Variants in LRP1B observed in about 807,000 individuals in gnomAD.
LRP1B encodes the protein LDL receptor related protein 1B.
LRP1B carries 217 observed loss-of-function variants against 556.6 expected under a neutral mutation model. The ratio of observed to expected loss-of-function variants is 0.39; its 90% CI spans 0.35 to 0.44. The LOEUF (loss-of-function observed/expected upper bound fraction) is 0.44, where lower values mean the gene tolerates loss of function less well. Among genes scored for constraint, LRP1B ranks in the 20% least tolerant of loss-of-function variants. The pLI, the probability that LRP1B is intolerant of heterozygous loss-of-function variation, is 1.00. For missense variants in LRP1B, 5,053 were observed against 5,620.8 expected (o/e 0.90, Z 3.23); for synonymous variants, 2,047 against 1,865.8 (o/e 1.10, Z -2.50).
At chr2:140,579,331 T>C (rs1244577329) in intron 43 of LRP1B, among the ~76,000 whole-genome samples, 1 of 151,824 alleles carries the variant, frequency 6.6e-6, no homozygotes, top group African/African-American at 2.4e-5. Flanking sequence ...TTTTAGCTAA[T>C]TTCTCTGATC....
chr2:141,793,195 G>A (rs1173504769), intron 2 of LRP1B, among the ~76,000 whole-genome samples: 3 of 151,770 alleles, frequency 2.0e-5, no homozygotes, highest in Non-Finnish European at 2.9e-5. Flanking sequence ...TAATGAAATC[G>A]CTAAATACTT....
chr2:141,421,204 T>C (rs1680125039), intron 3 of LRP1B, among the ~76,000 whole-genome samples: 1 of 152,192 alleles, frequency 6.6e-6, no homozygotes, highest in Non-Finnish European at 1.5e-5. Flanking sequence ...AGTTTTAATT[T>C]TTTAACACTC....
chr2:142,010,645 TC>T (rs1050168795), intron 1 of LRP1B, among the ~76,000 whole-genome samples: 21 of 151,488 alleles, frequency 1.4e-4, no homozygotes, highest in Non-Finnish European at 2.5e-4. Context: ...CCCTCTCGTG[TC>T]TCCCAGCCAC....
At chr2:141,802,391 T>C (rs1696035735) in intron 2 of LRP1B, among the ~76,000 whole-genome samples, 1 of 152,126 alleles carries the variant, frequency 6.6e-6, no homozygotes, top group South Asian at 2.1e-4. Context: ...TTCTCTCCTT[T>C]GAGAGCAATT....
intron 3 of LRP1B, among the ~76,000 whole-genome samples, chr2:141,451,959 A>T (rs1182678437): frequency 6.6e-6 from 1 of 152,206 alleles, no homozygotes; most frequent in Non-Finnish European, 1.5e-5. Flanking sequence ...AGCTAAATTG[A>T]ATTATTTACA....
intron 2 of LRP1B, among the ~76,000 whole-genome samples, chr2:141,604,180 A>T (rs1023665235): frequency 3.9e-4 from 60 of 152,180 alleles, no homozygotes; most frequent in African/African-American, 1.4e-3. Context: ...CCATTTACTA[A>T]AGCAGCAAAT....
intron 35 of LRP1B, among the ~76,000 whole-genome samples, chr2:140,764,530 A>T (rs139725272): frequency 0.021 from 3,218 of 152,264 alleles, 55 homozygotes; most frequent in Non-Finnish European, 0.032. Context: ...ATGTCGTGGG[A>T]CTAATAAAGA....
At chr2:140,818,986 A>C (rs1197914343) in intron 31 of LRP1B, among the ~76,000 whole-genome samples, 1 of 149,654 alleles carries the variant, frequency 6.7e-6, no homozygotes, top group Non-Finnish European at 1.5e-5. Context: ...AAACCCAAGC[A>C]CTTTGTCTTT....
At chr2:141,497,344 A>G (rs892164198) in intron 2 of LRP1B, among the ~76,000 whole-genome samples, 1 of 152,020 alleles carries the variant, frequency 6.6e-6, no homozygotes, top group African/African-American at 2.4e-5. Context: ...TCACACCTCT[A>G]CCACTGCATG....
At chr2:141,938,212 G>A (rs895397381) in intron 1 of LRP1B, among the ~76,000 whole-genome samples, 5 of 152,054 alleles carry the variant, frequency 3.3e-5, no homozygotes, top group Admixed American at 2.0e-4. Flanking sequence ...TATCTAATAA[G>A]GGGTTAATTT....
chr2:140,519,213 C>T (rs142184077), intron 49 of LRP1B, among the ~76,000 whole-genome samples: 77 of 152,244 alleles, frequency 5.1e-4, no homozygotes, highest in African/African-American at 1.7e-3. Context: ...TCAAACTATA[C>T]TACAAGGCCA....
chr2:140,516,181 T>C (rs1044318999), intron 50 of LRP1B, among the ~76,000 whole-genome samples: 2 of 152,058 alleles, frequency 1.3e-5, no homozygotes, highest in Non-Finnish European at 2.9e-5. Flanking sequence ...TTCAGGATAA[T>C]AATATTCAGT....
intron 1 of LRP1B, among the ~76,000 whole-genome samples, chr2:141,986,949 T>C (rs974485400): frequency 5.3e-5 from 8 of 152,016 alleles, no homozygotes; most frequent in African/African-American, 1.9e-4. Flanking sequence ...GTACCACTTA[T>C]TATCTATGAC....
At chr2:140,606,828 A>G (rs1682884422) in intron 41 of LRP1B, among the ~76,000 whole-genome samples, 1 of 151,998 alleles carries the variant, frequency 6.6e-6, no homozygotes, top group African/African-American at 2.4e-5. Context: ...AAACCTAAAC[A>G]TAGATGGTAG....
chr2:142,026,690 G>C (rs1419606054), intron 1 of LRP1B, among the ~76,000 whole-genome samples: 1 of 152,000 alleles, frequency 6.6e-6, no homozygotes, highest in Non-Finnish European at 1.5e-5. Context: ...TGTTTTGGTG[G>C]GAACTGGGGG....
chr2:141,593,240 C>T (rs1313940599), intron 2 of LRP1B, among the ~76,000 whole-genome samples: 2 of 152,026 alleles, frequency 1.3e-5, no homozygotes, highest in East Asian at 1.9e-4. Context: ...AAAACCTGGA[C>T]CCATGAAAGA....
chr2:140,748,431 T>A (rs1448616783), intron 35 of LRP1B, among the ~76,000 whole-genome samples: 3 of 85,196 alleles, frequency 3.5e-5, no homozygotes, highest in South Asian at 4.3e-4. Context: ...TATATTATAT[T>A]TATATATATA....
At chr2:141,670,912 T>G (rs1016405040) in intron 2 of LRP1B, among the ~76,000 whole-genome samples, 2 of 152,316 alleles carry the variant, frequency 1.3e-5, no homozygotes, top group Admixed American at 1.3e-4. Context: ...TCAAAATTAT[T>G]ACTTTCCAAA....
chr2:140,418,964 G>T (rs1379763451), intron 66 of LRP1B, among the ~76,000 whole-genome samples: 2 of 151,910 alleles, frequency 1.3e-5, no homozygotes, highest in African/African-American at 4.8e-5. Context: ...ATAAATCTCT[G>T]GATTTTAAAA....
Sources: gnomAD v4.1 joint callset for allele counts (sites outside exome capture counted in the v4.1 genomes callset) on GRCh38, gnomAD v4.1.1 for gene constraint, MANE v1.5 for transcripts, NCBI Gene and HGNC (gene_info 2026-07-23, HGNC 2026-07-21) for gene names.